Variants in NR5A2 observed in about 807,000 individuals in gnomAD.
The protein encoded by NR5A2 is nuclear receptor subfamily 5 group A member 2, also known as CYP7A promoter-binding factor.
In NR5A2, 26 loss-of-function variants were observed where a neutral mutation model predicts 62.7. That is an observed-to-expected ratio of 0.41 (90% CI 0.30 to 0.58). The LOEUF (loss-of-function observed/expected upper bound fraction) is 0.58. Ranked by LOEUF, NR5A2 falls within the 20% of genes least tolerant of loss-of-function variation. NR5A2 has a pLI of 0.22. For missense variants in NR5A2, 541 were observed against 669.1 expected (o/e 0.81, Z 2.11); for synonymous variants, 246 against 241.7 (o/e 1.02, Z -0.16).
chr1:200,108,448 C>T (rs1665793928), intron 5 of NR5A2, among the ~76,000 whole-genome samples: 1 of 152,030 alleles, frequency 6.6e-6, no homozygotes, highest in Non-Finnish European at 1.5e-5. Context: ...CTCAGTTCTT[C>T]CATTTTTCCA....
chr1:200,106,064 C>CTTTT (rs11411913), intron 5 of NR5A2, among the ~76,000 whole-genome samples: 1 of 147,568 alleles, frequency 6.8e-6, no homozygotes, highest in African/African-American at 2.5e-5. Context: ...ATTCACTCTT[C>CTTTT]TTTTTTTTTT....
intron 7 of NR5A2, among the ~76,000 whole-genome samples, chr1:200,169,608 A>C (rs754557273): frequency 4.7e-4 from 71 of 152,342 alleles, no homozygotes; most frequent in Non-Finnish European, 7.6e-4. Context: ...TGAGCACCCC[A>C]CTGTGAGCTT....
At chr1:200,049,028 G>T (rs1047753218) in intron 5 of NR5A2, among the ~76,000 whole-genome samples, 3 of 152,000 alleles carry the variant, frequency 2.0e-5, no homozygotes, top group Admixed American at 6.6e-5. Flanking sequence ...TCTTAGTTTG[G>T]GGGGGCTGGC....
At chr1:200,061,711 G>T (rs1032392846) in intron 5 of NR5A2, among the ~76,000 whole-genome samples, 1 of 152,182 alleles carries the variant, frequency 6.6e-6, no homozygotes, top group Admixed American at 6.5e-5. Context: ...GCCTCGCAAA[G>T]GTGGAATGCA....
chr1:200,030,793 A>G (rs977199629), intron 1 of NR5A2, among the ~76,000 whole-genome samples: 5 of 152,222 alleles, frequency 3.3e-5, no homozygotes, highest in Non-Finnish European at 7.3e-5. Flanking sequence ...AATATTGCAT[A>G]TTATCCACAG....
chr1:200,062,074 T>C (rs1457210215), intron 5 of NR5A2, among the ~76,000 whole-genome samples: 3 of 152,192 alleles, frequency 2.0e-5, no homozygotes, highest in African/African-American at 4.8e-5. Context: ...TCCATAGATA[T>C]TGTCAATAAC....
intron 4 of NR5A2, among the ~76,000 whole-genome samples, chr1:200,047,927 C>T (rs57625153): frequency 2.1e-3 from 325 of 152,164 alleles, no homozygotes; most frequent in Middle Eastern, 6.8e-3. Flanking sequence ...CTCCTCCATC[C>T]ACAAAAGGGT....
chr1:200,147,769 CCGG>C lies in NR5A2; in HGVS notation c.1379-26192_1379-26190del. 2 of 8,656 alleles carry C rather than the reference CCGG, an allele frequency of 2.3e-4. No homozygotes were observed. The highest frequency in any genetic ancestry group is 4.9e-4 in the South Asian group (1 of 2,060). 0.5% of individuals were successfully genotyped at this position (8,656 alleles called of 1,614,324 possible). A position where few individuals can be genotyped will look rare whatever the true frequency, so the allele number is the denominator to read the frequency against. On this transcript the variant is annotated intron_variant, in intron 7 of 7. Coordinates refer to ENST00000367362, the MANE Select transcript of NR5A2 (RefSeq NM_205860.3). The surrounding 1 kb of genome is among the most constrained non-coding windows in gnomAD (Gnocchi z 4.9). ...GAAGACGCGGATGCCGGCGCGAATGCCGGCACGGATGCCGGCACGGTGGGCAGC... is the reference window on the plus strand; with the variant it reads ...GAAGACGCGGATGCCGGCGCGAATGCCACGGATGCCGGCACGGTGGGCAGC...
At chr1:200,061,645 A>G (rs1014463728) in intron 5 of NR5A2, among the ~76,000 whole-genome samples, 1 of 152,184 alleles carries the variant, frequency 6.6e-6, no homozygotes, top group African/African-American at 2.4e-5. Flanking sequence ...TCTTTACATG[A>G]CAGATGGAAT....
At chr1:200,159,009 C>T (rs974500867) in intron 7 of NR5A2, among the ~76,000 whole-genome samples, 21 of 151,944 alleles carry the variant, frequency 1.4e-4, no homozygotes, top group African/African-American at 4.8e-4. Flanking sequence ...ATCCCCCCGC[C>T]TCAGACTCCT....
intron 5 of NR5A2, among the ~76,000 whole-genome samples, chr1:200,082,490 AAAAC>A (rs1385141676): frequency 1.3e-5 from 2 of 152,216 alleles, no homozygotes; most frequent in South Asian, 2.1e-4. Context: ...TTAAGAATAT[AAAAC>A]AAATTACAAA....
chr1:200,157,405 C>G (rs889964695), intron 7 of NR5A2, among the ~76,000 whole-genome samples: 1 of 152,056 alleles, frequency 6.6e-6, no homozygotes, highest in African/African-American at 2.4e-5. Context: ...TCCTTCCATG[C>G]AAACCTTAGA....
intron 1 of NR5A2, among the ~76,000 whole-genome samples, chr1:200,033,247 TGA>T (rs534192024): frequency 1.1e-3 from 166 of 152,228 alleles, no homozygotes; most frequent in African/African-American, 3.7e-3. Flanking sequence ...GAGAAGGAAC[TGA>T]GAGGAAATTC....
chr1:200,128,002 A>G (rs2737617), intron 7 of NR5A2, among the ~76,000 whole-genome samples: 37,736 of 151,598 alleles, frequency 0.25, 6,111 homozygotes, highest in Non-Finnish European at 0.35. Flanking sequence ...GTAGAAGCAG[A>G]GAAATACTTC....
intron 5 of NR5A2, among the ~76,000 whole-genome samples, chr1:200,061,270 A>G (rs1359869642): frequency 1.4e-5 from 2 of 138,572 alleles, no homozygotes; most frequent in African/African-American, 5.9e-5. Flanking sequence ...AACATTCGGG[A>G]TTAACTTTTT....
At chr1:200,094,256 T>G (rs1313499355) in intron 5 of NR5A2, among the ~76,000 whole-genome samples, 2 of 150,306 alleles carry the variant, frequency 1.3e-5, no homozygotes, top group Non-Finnish European at 3.0e-5. Flanking sequence ...GCCATCTCTG[T>G]TCACTGCAAC....
chr1:200,093,762 C>T (rs188120693), intron 5 of NR5A2, among the ~76,000 whole-genome samples: 13 of 152,252 alleles, frequency 8.5e-5, no homozygotes, highest in Admixed American at 2.0e-4. Flanking sequence ...CAAATTTTGC[C>T]TCGAGGAAGA....
intron 5 of NR5A2, among the ~76,000 whole-genome samples, chr1:200,071,032 A>ACGTCCTTTTACAAGT (rs1422929396): frequency 5.9e-5 from 9 of 152,234 alleles, no homozygotes; most frequent in South Asian, 2.1e-4. Flanking sequence ...CCAGATATAT[A>ACGTCCTTTTACAAGT]CGTCCTTTTA....
At chr1:200,096,362 A>G (rs910439433) in intron 5 of NR5A2, among the ~76,000 whole-genome samples, 20 of 152,320 alleles carry the variant, frequency 1.3e-4, no homozygotes, top group African/African-American at 4.6e-4. Flanking sequence ...TGCTGAGATT[A>G]CAGGCGTGAG....
Sources: gnomAD v4.1 joint callset for allele counts (sites outside exome capture counted in the v4.1 genomes callset) on GRCh38, gnomAD v4.1.1 for gene constraint, Gnocchi (gnomAD v3.1) non-coding constraint, MANE v1.5 for transcripts, NCBI Gene and HGNC (gene_info 2026-07-23, HGNC 2026-07-21) for gene names.